Variants in TEF observed in about 807,000 individuals in gnomAD.
The protein encoded by TEF is thyrotroph embryonic factor.
In TEF, 3 loss-of-function variants were observed where a neutral mutation model predicts 20.8. That is an observed-to-expected ratio of 0.14 (90% CI 0.07 to 0.37). The LOEUF is 0.37. TEF is among the 10% of genes least tolerant of loss of function. The pLI is 1.00. For missense variants in TEF, 296 were observed against 397.9 expected (o/e 0.74, Z 2.18); for synonymous variants, 180 against 171.1 (o/e 1.05, Z -0.41).
chr22:41,383,766 G>A (rs144898473), intron 1 of TEF, among the ~76,000 whole-genome samples: 1 of 152,316 alleles, frequency 6.6e-6, no homozygotes, highest in African/African-American at 2.4e-5. Context: ...GGCAAAACCT[G>A]GAACTTATTG....
At chr22:41,390,652 C>CG (rs2037153720) in intron 2 of TEF, among the ~76,000 whole-genome samples, 1 of 151,958 alleles carries the variant, frequency 6.6e-6, no homozygotes, top group Non-Finnish European at 1.5e-5. Context: ...GCGCCCACCA[C>CG]CACACCTGGC....
At position 41,397,135 on chromosome 22, in the gene TEF, G is replaced by A. The variant is rs1569259657; in HGVS notation, c.*1175G>A. ...AGACACCTAGTCTAGAGTCACCAAG[G>A]TCACAGTGCCACTTTCACGGGATAG... On this transcript the variant is annotated 3_prime_UTR_variant, in exon 4 of 4. Coordinates refer to ENST00000266304, the MANE Select transcript of TEF (RefSeq NM_003216.4). The A allele has an allele frequency of 2.5e-6, 1 of 398,584 alleles. No individual in the cohort carries two copies. Among genetic ancestry groups the A allele is most frequent in the African/African-American group, 2.1e-5 (1 of 48,634 alleles). 24.7% of individuals were successfully genotyped at this position (398,584 alleles called of 1,614,324 possible). A position where few individuals can be genotyped will look rare whatever the true frequency, so the allele number is the denominator to read the frequency against.
intron 2 of TEF, among the ~76,000 whole-genome samples, chr22:41,389,961 G>A (rs945035795): frequency 6.6e-5 from 10 of 151,460 alleles, no homozygotes; most frequent in Non-Finnish European, 1.2e-4. Flanking sequence ...GTGCAGTGGC[G>A]GGGTCTCAGC....
upstream of TEF, chr22:41,381,838 C>G (rs1049020137): frequency 1.8e-5 from 22 of 1,198,420 alleles, no homozygotes; most frequent in Non-Finnish European, 1.1e-5. Context: ...TCCAGAGCAA[C>G]GATCCGGGGA....
chr22:41,392,180 C>G (rs539291547), intron 2 of TEF, among the ~76,000 whole-genome samples: 24 of 152,310 alleles, frequency 1.6e-4, no homozygotes, highest in African/African-American at 5.8e-4. Context: ...TAATAACACA[C>G]AACCTTAGAA....
chr22:41,392,541 G>T (rs1289289271), intron 2 of TEF, among the ~76,000 whole-genome samples: 2 of 151,796 alleles, frequency 1.3e-5, no homozygotes, highest in Non-Finnish European at 2.9e-5. Flanking sequence ...GAGCATGGTA[G>T]TGGGCGCCAG....
intron 1 of TEF, chr22:41,367,638 G>A (rs917596868): frequency 3.0e-5 from 47 of 1,544,624 alleles, no homozygotes; most frequent in Admixed American, 1.8e-4. Flanking sequence ...GGCTGCCCAG[G>A]TACTCGAGGG....
rs563697086 is a variant in TEF, at chr22:41,395,136, A to G, written c.697-609A>G. Among the ~76,000 whole-genome samples, 234 of 152,226 alleles carry G rather than the reference A, an allele frequency of 1.5e-3. 1 individual carries two copies. The highest frequency in any genetic ancestry group is 5.0e-3 in the African/African-American group (208 of 41,536). ...ATTCTTGTGCCTCACCCTCCTGAGT[A>G]GCTGAGATTACAGATGTGCACCACC... On this transcript the variant is annotated intron_variant, in intron 3 of 3. Transcript: ENST00000266304.
In TEF at chr22:41,382,177, A is replaced by G; in HGVS notation, c.133A>G (p.Asn45Asp). 8.1e-7 allele frequency: 1 copy of G among 1,237,914 alleles called. No individual in the cohort carries two copies. The allele number at this position is 1,237,914 out of a possible 1,614,324, so 76.7% of individuals were successfully genotyped here. The change falls in exon 1 of 4, where the codon AAC becomes GAC. Residue 45 changes from asparagine (N) to aspartate (D), a missense_variant. Asn to Asp is a conservative substitution (Grantham distance 23). Around this residue, in one of 2 missense-constraint regions of TEF, gnomAD observed 102 missense variants for 80.1 expected, o/e 1.27. Coordinates refer to ENST00000266304, the MANE Select transcript of TEF (RefSeq NM_003216.4). ...FPLVLKKLME[N>D]PPREARLDKE... ...CCTGGTCCTGAAGAAGCTGATGGAG[A>G]ACCCCCCGCGCGAGGCGCGCCTCGG... is the stretch of plus-strand genomic sequence containing the variant.
upstream of TEF, among the ~76,000 whole-genome samples, chr22:41,380,527 C>G (rs894111202): frequency 2.0e-5 from 3 of 152,132 alleles, no homozygotes; most frequent in Admixed American, 6.5e-5. Context: ...GCATCTACCC[C>G]CTGAACCAAG....
chr22:41,372,534 G>GT (rs1488062299), intron 1 of TEF, among the ~76,000 whole-genome samples: 1 of 152,200 alleles, frequency 6.6e-6, no homozygotes, highest in African/African-American at 2.4e-5. Context: ...CCACACAGTT[G>GT]TTGAAGGATT....
upstream of TEF, among the ~76,000 whole-genome samples, chr22:41,379,513 C>CA (rs895105085): frequency 2.1e-5 from 3 of 141,854 alleles, no homozygotes; most frequent in African/African-American, 5.2e-5. Context: ...GTCTCAAAAA[C>CA]AAAAAACAAA....
At chr22:41,376,727 G>A (rs965485301) in intron 1 of TEF, among the ~76,000 whole-genome samples, 11 of 152,196 alleles carry the variant, frequency 7.2e-5, no homozygotes, top group African/African-American at 1.4e-4. Context: ...CAGCTTGAAC[G>A]GAAGGGGAAG....
At chr22:41,380,285 T>C (rs1041969528), upstream of TEF, among the ~76,000 whole-genome samples, 4 of 152,222 alleles carry the variant, frequency 2.6e-5, no homozygotes, top group Non-Finnish European at 5.9e-5. Context: ...CCCCAGTACC[T>C]GGGATTACAG....
intron 1 of TEF, among the ~76,000 whole-genome samples, chr22:41,374,325 T>C (rs2036915040): frequency 1.3e-5 from 2 of 151,860 alleles, no homozygotes; most frequent in African/African-American, 4.8e-5. Context: ...CCGAGGCAAG[T>C]GGATCACAAG....
chr22:41,392,452 GATC>G lies in TEF; in HGVS notation c.476-1642_476-1640del, dbSNP rs201995449. On this transcript the variant is annotated intron_variant, in intron 2 of 3. Coordinates refer to ENST00000266304, the MANE Select transcript of TEF (RefSeq NM_003216.4). ...GCACTTTGGGAGGCCGAGGCAGGTG[GATC>G]ACCAAGTCAGGAGATTGAGACCATC... 2.6e-4 allele frequency among the ~76,000 whole-genome samples: 40 copies of G among 151,932 alleles called. No homozygotes were observed. In the East Asian group the frequency reaches 7.6e-3, roughly 29 times the overall value.
rs920294546 is a variant in TEF, at chr22:41,392,670, CAAAAAAA to C, written c.476-1408_476-1402del. ...CCCTGGGAAACAGAGTGAGACTCTT[CAAAAAAA>C]AAAAAAAAAAAAAAAAAGACTAAGT... On this transcript the variant is annotated intron_variant, in intron 2 of 3. Transcript: ENST00000266304. Among the ~76,000 whole-genome samples, 123 of 39,342 alleles carry C rather than the reference CAAAAAAA, an allele frequency of 3.1e-3. 3 individuals carry two copies. The East Asian group carries it at 0.099, about 32-fold the overall frequency. The allele number at this position is 39,342 out of a possible 152,430, so 25.8% of individuals were successfully genotyped here.
At chr22:41,368,724 AG>A (rs1458594246) in intron 1 of TEF, among the ~76,000 whole-genome samples, 1 of 152,184 alleles carries the variant, frequency 6.6e-6, no homozygotes, top group Non-Finnish European at 1.5e-5. Flanking sequence ...CTCTGGGCTC[AG>A]GCCCCTCCGA....
At chr22:41,384,653 C>T (rs2037073966) in intron 1 of TEF, among the ~76,000 whole-genome samples, 1 of 152,152 alleles carries the variant, frequency 6.6e-6, no homozygotes, top group African/African-American at 2.4e-5. Context: ...GTCTGCCTAC[C>T]CCTTGTTGGG....
Sources: allele counts gnomAD v4.1 joint callset (sites outside exome capture counted in the v4.1 genomes callset), GRCh38; gene constraint gnomAD v4.1.1; regional missense constraint gnomAD v4.1.1; transcripts MANE v1.5; gene names NCBI Gene and HGNC (gene_info 2026-07-23, HGNC 2026-07-21).